Variants in CPA3 observed in about 807,000 individuals in gnomAD.
CPA3 encodes mast cell carboxypeptidase A.
CPA3 carries 52 observed loss-of-function variants against 55.8 expected under a neutral mutation model. The ratio of observed to expected loss-of-function variants is 0.93; its 90% CI spans 0.75 to 1.17. CPA3 has a LOEUF of 1.17. CPA3 is among the 50% of genes most tolerant of loss of function. The pLI is 0.00. For synonymous variants in CPA3, 179 were observed against 171.2 expected, an observed-to-expected ratio of 1.05 and a Z score of -0.36; for missense variants, 547 against 509.1, an observed-to-expected ratio of 1.07 and a Z score of -0.72.
chr3:148,885,658 C>T (rs760341789), intron 9 of CPA3, among the ~76,000 whole-genome samples: 1 of 152,028 alleles, frequency 6.6e-6, no homozygotes, highest in African/African-American at 2.4e-5. Context: ...GATCTGCCCA[C>T]CTCAGCCTCC....
chr3:148,882,229 G>A (rs928781958), intron 7 of CPA3, among the ~76,000 whole-genome samples: 5 of 152,212 alleles, frequency 3.3e-5, no homozygotes, highest in African/African-American at 7.2e-5. Context: ...TCAGAACACC[G>A]TTAGTCATCT....
At position 148,882,512 on chromosome 3, in the gene CPA3, T is replaced by A; in HGVS notation, c.695T>A (p.Met232Lys). 5.0e-6 allele frequency: 8 copies of A among 1,613,344 alleles called. No individual in the cohort carries two copies. The highest frequency in any genetic ancestry group is 6.8e-6 in the Non-Finnish European group (8 of 1,179,430). ...CGTCATTCAATCTGGCAGAACCGCA[T>A]GTGGAGAAAAAATCGTTCCAAGAAC... ...GYIWSWTKNR[M>K]WRKNRSKNQN... Residue 232 changes from methionine to lysine, a missense_variant, in exon 8 of 11, where the codon ATG becomes AAG. Physicochemically the swap from Met to Lys is moderately conservative, Grantham distance 95 (BLOSUM62 -1). Transcript: ENST00000296046.
chr3:148,876,163 AC>A (rs1443228734), intron 3 of CPA3, among the ~76,000 whole-genome samples: 3 of 150,820 alleles, frequency 2.0e-5, no homozygotes, highest in African/African-American at 7.3e-5. Flanking sequence ...TACTGTAATA[AC>A]CAAAAATGTA....
chr3:148,868,079 G>C (rs1203154632), intron 2 of CPA3, among the ~76,000 whole-genome samples: 4 of 152,110 alleles, frequency 2.6e-5, no homozygotes, highest in Admixed American at 2.6e-4. Context: ...ATTTTTAATA[G>C]AAGTGGGGTT....
intron 3 of CPA3, among the ~76,000 whole-genome samples, chr3:148,877,842 G>A (rs1714249266): frequency 1.3e-5 from 2 of 152,152 alleles, no homozygotes; most frequent in South Asian, 2.1e-4. Flanking sequence ...CTCAGAAGGT[G>A]TGAAATTATA....
rs779939415 is a variant in CPA3 at position 148,886,132 on chromosome 3, C to T, written c.1021C>T (p.Arg341Ter). The T allele has an allele frequency of 8.1e-6, 13 of 1,613,504 alleles. No homozygotes were observed. Among genetic ancestry groups the T allele is most frequent in the South Asian group, 5.5e-5 (5 of 90,960 alleles). ...GATTGGCACTGATGTTCTATCAACTCGATATGAAACCCGCTACATCTATGG... is the reference window on the plus strand; with the variant it reads ...GATTGGCACTGATGTTCTATCAACTTGATATGAAACCCGCTACATCTATGG... ...AKIGTDVLST[R>*]YETRYIYGPI... The change falls in exon 10 of 11, where the codon CGA becomes TGA. Residue 341 changes from arginine to a stop codon, truncating the protein, a stop_gained. Coordinates refer to ENST00000296046, the MANE Select transcript of CPA3 (RefSeq NM_001870.4). LOFTEE classifies it high-confidence loss of function.
At chr3:148,865,634 TA>T in intron 2 of CPA3, 86 bp downstream of exon 2, 1 of 1,152,336 alleles carries the variant, frequency 8.7e-7, no homozygotes, top group Non-Finnish European at 1.3e-6. Flanking sequence ...CCCATGGGAC[TA>T]CAAAAGACTA....
At position 148,883,750 on chromosome 3, in the gene CPA3, T is replaced by G; in HGVS notation, c.916T>G (p.Tyr306Asp). The G allele has an allele frequency of 1.2e-6, 2 of 1,614,128 alleles. No individual in the cohort carries two copies. Among genetic ancestry groups the G allele is most frequent in the Non-Finnish European group, 1.7e-6 (2 of 1,179,964 alleles). Reference sequence around the variant, plus strand: ...CAAGGTTTACATCACCTTCCATTCCTACTCCCAGATGCTATTGTTTCCCTA... The same window carrying G: ...CAAGGTTTACATCACCTTCCATTCCGACTCCCAGATGCTATTGTTTCCCTA... ...EIKVYITFHS[Y>D]SQMLLFPYGY... The change falls in exon 9 of 11, where the codon TAC (tyrosine) becomes GAC (aspartate). Residue 306 changes from tyrosine (Y) to aspartate (D), a missense_variant. Tyr to Asp is a radical substitution (Grantham distance 160, BLOSUM62 -3). Coordinates refer to ENST00000296046, the MANE Select transcript of CPA3 (RefSeq NM_001870.4).
intron 5 of CPA3, among the ~76,000 whole-genome samples, chr3:148,878,967 C>G (rs1250623548): frequency 1.3e-5 from 2 of 152,118 alleles, no homozygotes; most frequent in Non-Finnish European, 2.9e-5. Context: ...GCACAGTGGA[C>G]AAACCCAAAC....
rs1227142392 is a variant in CPA3, at chr3:148,870,902, CTT to C, written c.269+1864_269+1865del. Among the ~76,000 whole-genome samples the C allele has an allele frequency of 5.9e-5, 9 of 152,192 alleles. No individual in the cohort carries two copies. The East Asian group carries it at 1.7e-3, about 29-fold the overall frequency. On this transcript the variant is annotated intron_variant, in intron 3 of 10. Transcript: ENST00000296046. ...TAAATAACCCCTGGTTACTGTGTCTCTTGTTTTGTTTTTTGAGATGAAGTCTC... is the reference window on the plus strand; with the variant it reads ...TAAATAACCCCTGGTTACTGTGTCTCGTTTTGTTTTTTGAGATGAAGTCTC...
chr3:148,880,647 T>A (rs908351439), intron 6 of CPA3, among the ~76,000 whole-genome samples: 3 of 152,176 alleles, frequency 2.0e-5, no homozygotes, highest in Admixed American at 6.6e-5. Flanking sequence ...TTCACTTTTT[T>A]AAAAGGTTTA....
At chr3:148,881,233 T>A (rs1254393734) in intron 6 of CPA3, among the ~76,000 whole-genome samples, 2 of 152,200 alleles carry the variant, frequency 1.3e-5, no homozygotes, top group African/African-American at 4.8e-5. Context: ...TGGCTTCCAA[T>A]CTTTCTATGA....
At position 148,883,835 on chromosome 3, in the gene CPA3, C is replaced by T; in HGVS notation, c.981+20C>T. The T allele has an allele frequency of 6.4e-7, 1 of 1,562,334 alleles. No individual in the cohort carries two copies. On this transcript the variant is annotated intron_variant, in intron 9 of 10. Transcript: ENST00000296046. ...GACTTGGTACGTAGACAAAAGTTTG[C>T]ACTTCATGCATCGACAATACCATTG...
chr3:148,882,130 C>A (rs901032592), intron 7 of CPA3, among the ~76,000 whole-genome samples: 1 of 152,082 alleles, frequency 6.6e-6, no homozygotes, highest in Admixed American at 6.6e-5. Context: ...GCAAATAATG[C>A]TCCAACAGTA....
chr3:148,880,696 C>G (rs2108034616), intron 6 of CPA3, among the ~76,000 whole-genome samples: 1 of 152,250 alleles, frequency 6.6e-6, no homozygotes, highest in East Asian at 1.9e-4. Context: ...ACTCTATTGC[C>G]AATGTATTTT....
At chr3:148,868,449 T>G (rs909320706) in intron 2 of CPA3, among the ~76,000 whole-genome samples, 13 of 152,116 alleles carry the variant, frequency 8.5e-5, no homozygotes, top group African/African-American at 3.1e-4. Context: ...AAAATGACTT[T>G]GCTGGGGGTC....
At chr3:148,868,461 A>G (rs541746560) in intron 2 of CPA3, among the ~76,000 whole-genome samples, 1 of 152,266 alleles carries the variant, frequency 6.6e-6, no homozygotes, top group South Asian at 2.1e-4. Flanking sequence ...CTGGGGGTCT[A>G]TGCCAACTGT....
chr3:148,892,669 A>G (rs568017864), intron 10 of CPA3, among the ~76,000 whole-genome samples: 1 of 151,052 alleles, frequency 6.6e-6, no homozygotes, highest in Admixed American at 6.6e-5. Flanking sequence ...AACAACAACA[A>G]CAACAACAAA....
chr3:148,869,770 G>T (rs1714009344), intron 3 of CPA3, among the ~76,000 whole-genome samples: 1 of 152,140 alleles, frequency 6.6e-6, no homozygotes, highest in South Asian at 2.1e-4. Flanking sequence ...GCCCAGCAAT[G>T]AATATCATAA....
Sources: allele counts gnomAD v4.1 joint callset (sites outside exome capture counted in the v4.1 genomes callset), GRCh38; gene constraint gnomAD v4.1.1; transcripts MANE v1.5; gene names NCBI Gene and HGNC (gene_info 2026-07-23, HGNC 2026-07-21).